Variants in UAP1 observed in about 807,000 individuals in gnomAD.
UAP1 encodes UDP-N-acetylglucosamine pyrophosphorylase 1.
UAP1 carries 25 observed loss-of-function variants against 58.5 expected under a neutral mutation model. The observed-to-expected ratio is 0.43, with a 90% CI of 0.31 to 0.60. The LOEUF (loss-of-function observed/expected upper bound fraction) is 0.60, where lower values mean the gene tolerates loss of function less well. Ranked by LOEUF, UAP1 falls within the 20% of genes least tolerant of loss-of-function variation. The pLI is 0.11. For missense variants in UAP1, 575 were observed against 630.0 expected, an observed-to-expected ratio of 0.91 and a Z score of 0.93; for synonymous variants, 208 against 213.0, an observed-to-expected ratio of 0.98 and a Z score of 0.21.
chr1:162,572,344 G>A (rs1653912400), intron 2 of UAP1, among the ~76,000 whole-genome samples: 1 of 152,210 alleles, frequency 6.6e-6, no homozygotes, highest in African/African-American at 2.4e-5. Context: ...CCCATCTAAG[G>A]AAGAGAAAAG....
At chr1:162,587,078 C>T (rs772243073) in intron 5 of UAP1, among the ~76,000 whole-genome samples, 8 of 151,984 alleles carry the variant, frequency 5.3e-5, no homozygotes, top group Non-Finnish European at 1.0e-4. Context: ...TTGTGAATCC[C>T]AGAGAAATTT....
At chr1:162,581,437 A>G (rs1557972693) in exon 5 of UAP1, 1 of 1,614,078 alleles carries the variant, frequency 6.2e-7, no homozygotes, top group Non-Finnish European at 8.5e-7. Context: ...TGCATTCAGA[A>G]AGGAGCAGAC....
At chr1:162,567,436 A>G (rs1330207161) in intron 2 of UAP1, among the ~76,000 whole-genome samples, 1 of 152,218 alleles carries the variant, frequency 6.6e-6, no homozygotes, top group Non-Finnish European at 1.5e-5. Flanking sequence ...AAGCATGTAA[A>G]AAAATCTTTC....
rs539601374 is a variant in UAP1 at position 162,596,045 on chromosome 1, G to A, written c.1410-1747G>A. On this transcript the variant is annotated intron_variant, in intron 9 of 10. Transcript: ENST00000271469. ...TTTTTGTATTGTTAGTAGAGATGGG[G>A]TTTCACCATGTTGGCCAGGCTGGTC... Among the ~76,000 whole-genome samples, 10 of 151,948 alleles carry A rather than the reference G, an allele frequency of 6.6e-5. No individual in the cohort carries two copies. The East Asian group carries it at 1.7e-3, about 26-fold the overall frequency.
intron 3 of UAP1, among the ~76,000 whole-genome samples, chr1:162,577,824 C>A (rs1357357526): frequency 6.6e-6 from 1 of 151,982 alleles, no homozygotes; most frequent in Non-Finnish European, 1.5e-5. Context: ...GTTGGTCAAG[C>A]TGGTCTTGAA....
intron 9 of UAP1, chr1:162,597,206 T>A (rs1412758010): frequency 6.6e-6 from 1 of 152,232 alleles, no homozygotes; most frequent in Non-Finnish European, 1.5e-5. Context: ...AGTTTTGTAG[T>A]CATTGGCCAT....
chr1:162,566,561 A>T (rs1351757667), intron 2 of UAP1, among the ~76,000 whole-genome samples: 1 of 151,812 alleles, frequency 6.6e-6, no homozygotes, highest in African/African-American at 2.4e-5. Flanking sequence ...TTCCCTCCTC[A>T]ATTTCCATAC....
intron 1 of UAP1, chr1:162,562,509 AAC>A (rs1203909595): frequency 6.6e-6 from 1 of 151,972 alleles, no homozygotes; most frequent in Non-Finnish European, 1.5e-5. Context: ...ACGTATGCTG[AAC>A]ATATGGCTGC....
At chr1:162,594,292 C>T (rs1372633276) in intron 9 of UAP1, among the ~76,000 whole-genome samples, 2 of 152,168 alleles carry the variant, frequency 1.3e-5, no homozygotes, top group Admixed American at 6.6e-5. Flanking sequence ...CAACCTAGAT[C>T]CCTTACATGG....
In UAP1 at chr1:162,580,861, ATACT is replaced by A. The variant is rs559816668; in HGVS notation, c.662-422_662-419del. Among the ~76,000 whole-genome samples, 31 of 152,340 alleles carry A rather than the reference ATACT, an allele frequency of 2.0e-4. No homozygotes were observed. In the South Asian group the frequency reaches 5.6e-3, roughly 27 times the overall value. ...TTTTTAACAAATGATTTGATACAAA[ATACT>A]TACGTATTTTTGAGATGGGTGAAAT... is the stretch of plus-strand genomic sequence containing the variant. On this transcript the variant is annotated intron_variant, in intron 4 of 10. Transcript: ENST00000271469.
chr1:162,566,456 A>C, intron 2 of UAP1, 108 bp downstream of exon 2: 1 of 1,166,380 alleles, frequency 8.6e-7, no homozygotes, highest in Non-Finnish European at 1.2e-6. Flanking sequence ...ACATTAAACC[A>C]GGTGACCTAG....
intron 3 of UAP1, 71 bp downstream of exon 3, chr1:162,577,052 C>A: frequency 7.6e-7 from 1 of 1,316,892 alleles, no homozygotes; most frequent in East Asian, 2.4e-5. Flanking sequence ...TGCATATATA[C>A]TTTATGCACT....
chr1:162,585,915 A>G (rs1021418171), intron 5 of UAP1, among the ~76,000 whole-genome samples: 1 of 152,194 alleles, frequency 6.6e-6, no homozygotes, highest in African/African-American at 2.4e-5. Flanking sequence ...AAATAGGCCC[A>G]TGATTGATTT....
intron 5 of UAP1, among the ~76,000 whole-genome samples, chr1:162,585,423 AT>A (rs1187473631): frequency 0.023 from 3,317 of 146,488 alleles, 116 homozygotes; most frequent in African/African-American, 0.077. Flanking sequence ...TGCCTGGCTA[AT>A]TTTTTTTTTT....
At chr1:162,568,619 C>T (rs894346128) in intron 2 of UAP1, among the ~76,000 whole-genome samples, 2 of 152,180 alleles carry the variant, frequency 1.3e-5, no homozygotes, top group African/African-American at 4.8e-5. Flanking sequence ...GAGAATGATG[C>T]CTAGGTATGT....
chr1:162,577,251 A>C (rs996028089), intron 3 of UAP1, among the ~76,000 whole-genome samples: 3 of 150,298 alleles, frequency 2.0e-5, no homozygotes, highest in East Asian at 2.0e-4. Flanking sequence ...GCATCTAGAA[A>C]CTCATATTTT....
intron 3 of UAP1, among the ~76,000 whole-genome samples, chr1:162,578,043 C>T (rs1654318726): frequency 6.6e-6 from 1 of 152,014 alleles, no homozygotes; most frequent in Admixed American, 6.6e-5. Context: ...TGTTAGTTTC[C>T]TAAGGACCAA....
chr1:162,577,466 T>TTTTTC (rs1654271870), intron 3 of UAP1, among the ~76,000 whole-genome samples: 1 of 134,262 alleles, frequency 7.4e-6, no homozygotes, highest in African/African-American at 3.1e-5. Flanking sequence ...TTTTTTTTTT[T>TTTTTC]GAGACAGGGT....
At chr1:162,580,681 T>A (rs1266106053) in intron 4 of UAP1, among the ~76,000 whole-genome samples, 3 of 152,240 alleles carry the variant, frequency 2.0e-5, no homozygotes, top group Non-Finnish European at 4.4e-5. Flanking sequence ...TTCTTAGCTG[T>A]ATTTTGTGAA....
Sources: allele counts gnomAD v4.1 joint callset (sites outside exome capture counted in the v4.1 genomes callset), GRCh38; gene constraint gnomAD v4.1.1; transcripts MANE v1.5; gene names NCBI Gene and HGNC (gene_info 2026-07-23, HGNC 2026-07-21).